Variants in TMCC3 observed in about 807,000 individuals in gnomAD.
TMCC3 encodes transmembrane and coiled-coil domain family 3.
TMCC3 carries 28 observed loss-of-function variants against 40.2 expected under a neutral mutation model. The ratio of observed to expected loss-of-function variants is 0.70; its 90% CI spans 0.52 to 0.95. The LOEUF is 0.95. Ranked by LOEUF, TMCC3 falls within the 40% of genes least tolerant of loss-of-function variation. TMCC3 has a pLI of 0.00. For synonymous variants in TMCC3, 255 were observed against 248.5 expected, an observed-to-expected ratio of 1.03 and a Z score of -0.25; for missense variants, 554 against 615.2, an observed-to-expected ratio of 0.90 and a Z score of 1.05.
intron 1 of TMCC3, among the ~76,000 whole-genome samples, chr12:94,623,796 G>C (rs575922970): frequency 1.3e-5 from 2 of 152,332 alleles, no homozygotes; most frequent in African/African-American, 4.8e-5. Flanking sequence ...TGGACCTCAT[G>C]GTGGGGAGGA....
intron 1 of TMCC3, among the ~76,000 whole-genome samples, chr12:94,649,349 G>A (rs979245862): frequency 6.6e-6 from 1 of 152,180 alleles, no homozygotes; most frequent in African/African-American, 2.4e-5. Context: ...CTCGATCTTG[G>A]AAGTGGCAGG....
intron 3 of TMCC3, among the ~76,000 whole-genome samples, chr12:94,574,874 G>A (rs746040792): frequency 7.9e-5 from 12 of 152,138 alleles, no homozygotes; most frequent in African/African-American, 1.2e-4. Flanking sequence ...AATGAATTAC[G>A]TGTACAAATA....
intron 1 of TMCC3, among the ~76,000 whole-genome samples, chr12:94,615,382 A>G (rs1407187365): frequency 6.6e-6 from 1 of 152,134 alleles, no homozygotes; most frequent in Non-Finnish European, 1.5e-5. Context: ...TTCCTCTCCC[A>G]CAGCTCGAGG....
intron 1 of TMCC3, among the ~76,000 whole-genome samples, chr12:94,633,827 T>TA (rs1333572244): frequency 7.9e-5 from 12 of 152,248 alleles, no homozygotes; most frequent in Non-Finnish European, 1.2e-4. Context: ...AATGAGTTAC[T>TA]AACAAGTAAC....
Position 94,593,409 on chromosome 12 carries a change from AGG to A in TMCC3, c.79-10873_79-10872del, listed in dbSNP as rs1555282868. On this transcript the variant is annotated intron_variant, in intron 1 of 3. Coordinates refer to ENST00000261226, the MANE Select transcript of TMCC3 (RefSeq NM_020698.4). ...AAAGAAGAAAGAAGAAAGAAGAAGA[AGG>A]AAGAAGAAGAAGGAAGAAGAAGGAG... is the stretch of plus-strand genomic sequence containing the variant. Among the ~76,000 whole-genome samples, 2 of 43,784 alleles carry A rather than the reference AGG, an allele frequency of 4.6e-5. 1 individual carries two copies. The highest frequency in any genetic ancestry group is 8.5e-5 in the Non-Finnish European group (2 of 23,590). The allele number at this position is 43,784 out of a possible 152,430, so 28.7% of individuals were successfully genotyped here.
At chr12:94,608,093 C>T (rs1040196585) in intron 1 of TMCC3, among the ~76,000 whole-genome samples, 10 of 152,228 alleles carry the variant, frequency 6.6e-5, no homozygotes, top group African/African-American at 2.2e-4. Flanking sequence ...TGAATATATA[C>T]TTCATATTAT....
chr12:94,608,201 A>C (rs2068794669), intron 1 of TMCC3, among the ~76,000 whole-genome samples: 1 of 152,260 alleles, frequency 6.6e-6, no homozygotes, highest in South Asian at 2.1e-4. Context: ...ATATATAAAC[A>C]GAGGTAAAGT....
intron 1 of TMCC3, among the ~76,000 whole-genome samples, chr12:94,619,745 A>G (rs1190635865): frequency 1.3e-5 from 2 of 152,260 alleles, no homozygotes; most frequent in African/African-American, 2.4e-5. Context: ...ATTACAAAGC[A>G]AAAGAAACAT....
chr12:94,570,961 C>A lies in TMCC3; in HGVS notation c.*474G>T, dbSNP rs111454646. 1 of 171,548 alleles carries A rather than the reference C, an allele frequency of 5.8e-6. No individual in the cohort carries two copies. Among genetic ancestry groups the A allele is most frequent in the Admixed American group, 5.6e-5 (1 of 17,942 alleles). The allele number at this position is 171,548 out of a possible 1,614,324, so 10.6% of individuals were successfully genotyped here. A position where few individuals can be genotyped will look rare whatever the true frequency, so the allele number is the denominator to read the frequency against. ...CTGGAGAGAAGCAGGGTGGATCACA[C>A]GGGGACCATAGGCCACAGTGTTTAA... On this transcript the variant is annotated 3_prime_UTR_variant, in exon 4 of 4. Transcript: ENST00000261226.
chr12:94,635,781 C>T, intron 1 of TMCC3, among the ~76,000 whole-genome samples: 1 of 148,256 alleles, frequency 6.7e-6, no homozygotes, highest in Non-Finnish European at 1.5e-5. Context: ...GCAATTCTGT[C>T]TCAGCCTTCC....
At chr12:94,590,731 A>G (rs1176305402) in intron 1 of TMCC3, 1 of 356,362 alleles carries the variant, frequency 2.8e-6, no homozygotes, top group Non-Finnish European at 5.5e-6. Flanking sequence ...TTTCTATCAG[A>G]AACAAGCGGG....
chr12:94,632,940 C>G (rs1055890701), intron 1 of TMCC3, among the ~76,000 whole-genome samples: 5 of 152,064 alleles, frequency 3.3e-5, no homozygotes, highest in Non-Finnish European at 5.9e-5. Flanking sequence ...AACGCCATCT[C>G]TACTAAAAAT....
intron 1 of TMCC3, among the ~76,000 whole-genome samples, chr12:94,636,031 C>A (rs1053478732): frequency 2.0e-5 from 3 of 152,100 alleles, no homozygotes; most frequent in Admixed American, 6.5e-5. Flanking sequence ...AGAGGACTAT[C>A]AATCCAGAAT....
In TMCC3 at chr12:94,581,754, G is replaced by A. The variant is rs781381704; in HGVS notation, c.863C>T (p.Ala288Val). The A allele has an allele frequency of 1.2e-6, 2 of 1,614,146 alleles. No homozygotes were observed. The highest frequency in any genetic ancestry group is 2.2e-5 in the South Asian group (2 of 91,084). ...CTCCCTCAGTTCCTCCAGGATCACGGCGAGCTTGCCCTGGCTGTCCAGTGT... is the reference window on the plus strand; with the variant it reads ...CTCCCTCAGTTCCTCCAGGATCACGACGAGCTTGCCCTGGCTGTCCAGTGT... Reference protein sequence around the residue: ...ASTLDSQGKLAVILEELREIK... With the variant: ...ASTLDSQGKLVVILEELREIK... The change falls in exon 2 of 4, where the codon GCC becomes GTC. Residue 288 changes from alanine (A) to valine (V), a missense_variant. Transcript: ENST00000261226.
At chr12:94,630,752 A>G (rs568031597) in intron 1 of TMCC3, among the ~76,000 whole-genome samples, 217 of 144,464 alleles carry the variant, frequency 1.5e-3, no homozygotes, top group African/African-American at 5.7e-3. Context: ...TTTTTGAGGC[A>G]AAGTCTCGCT....
chr12:94,645,887 T>C (rs1201115149), intron 1 of TMCC3, among the ~76,000 whole-genome samples: 2 of 152,206 alleles, frequency 1.3e-5, no homozygotes, highest in African/African-American at 4.8e-5. Context: ...GCTCGGCCTA[T>C]AGTAAAAGTG....
At chr12:94,599,386 GC>G (rs1566323169) in intron 1 of TMCC3, among the ~76,000 whole-genome samples, 3 of 152,028 alleles carry the variant, frequency 2.0e-5, no homozygotes, top group African/African-American at 7.2e-5. Context: ...TGTCCCCGCC[GC>G]CCCCACATGC....
chr12:94,605,054 T>A (rs1039486289), intron 1 of TMCC3, among the ~76,000 whole-genome samples: 3 of 152,016 alleles, frequency 2.0e-5, no homozygotes, highest in South Asian at 2.1e-4. Flanking sequence ...AATCAAGGCA[T>A]GATTGAGGGC....
intron 1 of TMCC3, among the ~76,000 whole-genome samples, chr12:94,597,120 A>AAAAAAAAAAAAAAATATATAT (rs2068719307): frequency 3.6e-4 from 2 of 5,488 alleles, no homozygotes; most frequent in African/African-American, 8.9e-4. Flanking sequence ...TCTCTATTAA[A>AAAAAAAAAAAAAAATATATAT]ATACATATAT....
Sources: allele counts gnomAD v4.1 joint callset (sites outside exome capture counted in the v4.1 genomes callset), GRCh38; gene constraint gnomAD v4.1.1; transcripts MANE v1.5; gene names NCBI Gene and HGNC (gene_info 2026-07-23, HGNC 2026-07-21).